The following PPM1L variants were observed in gnomAD, a reference collection of about 807,000 sequenced individuals.
The protein encoded by PPM1L is protein phosphatase, Mg2+/Mn2+ dependent 1L, also known as protein phosphatase 1L.
In PPM1L, 13 loss-of-function variants were observed where a neutral mutation model predicts 31.4. The ratio of observed to expected loss-of-function variants is 0.41; its 90% confidence interval spans 0.27 to 0.66. The LOEUF (loss-of-function observed/expected upper bound fraction) is 0.66. Among genes scored for constraint, PPM1L ranks in the 30% least tolerant of loss-of-function variants. The pLI is 0.29. For synonymous variants in PPM1L, 184 were observed against 175.4 expected (o/e 1.05, Z -0.39); for missense variants, 326 against 453.7 (o/e 0.72, Z 2.56).
intron 1 of PPM1L, among the ~76,000 whole-genome samples, chr3:160,902,668 C>A (rs1713585737): frequency 6.6e-6 from 1 of 152,138 alleles, no homozygotes; most frequent in Admixed American, 6.6e-5. Flanking sequence ...GACTGAATTT[C>A]TGGACCCACT....
intron 2 of PPM1L, among the ~76,000 whole-genome samples, chr3:160,980,364 A>G (rs571998712): frequency 6.6e-6 from 1 of 152,118 alleles, no homozygotes; most frequent in South Asian, 2.1e-4. Flanking sequence ...ATTATACTTA[A>G]TGGGGCTTTT....
rs1342334896 is a variant in PPM1L, at chr3:161,071,729, C to T, written c.*2572C>T. The stretch of plus-strand genomic sequence containing the variant: ...TTCCCTTCCTTCTGGAGCTCTCTCT[C>T]CCTAGCCCTTTTCCAGCTGTTGGGG... On this transcript the variant is annotated 3_prime_UTR_variant, in exon 4 of 4. Transcript: ENST00000498165. The T allele has an allele frequency of 6.6e-6, 1 of 152,252 alleles. No individual in the cohort carries two copies. The highest frequency in any genetic ancestry group is 1.5e-5 in the Non-Finnish European group (1 of 68,074). The allele number at this position is 152,252 out of a possible 1,614,324, so 9.4% of individuals were successfully genotyped here. A position where few individuals can be genotyped will look rare whatever the true frequency, so the allele number is the denominator to read the frequency against.
intron 1 of PPM1L, among the ~76,000 whole-genome samples, chr3:160,828,234 A>C (rs796390619): frequency 6.6e-6 from 1 of 152,146 alleles, no homozygotes; most frequent in African/African-American, 2.4e-5. Flanking sequence ...AATAGCAGGT[A>C]TTAAGCTACT....
chr3:160,855,022 A>G (rs1711640691), intron 1 of PPM1L, among the ~76,000 whole-genome samples: 1 of 152,142 alleles, frequency 6.6e-6, no homozygotes, highest in South Asian at 2.1e-4. Flanking sequence ...GTTTAAAAAC[A>G]GACACATAGA....
At chr3:160,825,091 A>G (rs1420350686) in intron 1 of PPM1L, among the ~76,000 whole-genome samples, 1 of 152,162 alleles carries the variant, frequency 6.6e-6, no homozygotes, top group Non-Finnish European at 1.5e-5. Context: ...AGCCACGTGT[A>G]ACATCCTTAT....
chr3:160,978,778 C>T lies in PPM1L; in HGVS notation c.574+16868C>T, dbSNP rs879549861. On this transcript the variant is annotated intron_variant, in intron 2 of 3. Transcript: ENST00000498165. The stretch of plus-strand genomic sequence containing the variant: ...CCAGGAAGTTGAGGTTGCAGTGAGC[C>T]GTGTTCATGCTACTGTACTCCAGCC... Among the ~76,000 whole-genome samples the T allele has an allele frequency of 4.6e-3, 691 of 151,296 alleles. 4 individuals are homozygous for T. Among genetic ancestry groups the T allele is most frequent in the Non-Finnish European group, 6.5e-3 (440 of 67,602 alleles).
chr3:160,969,266 A>C (rs1479471638), intron 2 of PPM1L, among the ~76,000 whole-genome samples: 1 of 152,210 alleles, frequency 6.6e-6, no homozygotes, highest in Admixed American at 6.5e-5. Flanking sequence ...TAGCTTTTTA[A>C]AAGCGTGGAG....
At chr3:161,038,025 A>G (rs574939464) in intron 2 of PPM1L, among the ~76,000 whole-genome samples, 2 of 151,774 alleles carry the variant, frequency 1.3e-5, no homozygotes, top group South Asian at 4.2e-4. Context: ...CGAGGTCAGG[A>G]GATCGAGACC....
chr3:160,949,617 A>G (rs1047560026), intron 1 of PPM1L, among the ~76,000 whole-genome samples: 5 of 152,170 alleles, frequency 3.3e-5, no homozygotes, highest in African/African-American at 1.2e-4. Context: ...GCCTGGTTTT[A>G]AAGCACCCAT....
At chr3:161,029,960 G>A (rs78731141) in intron 2 of PPM1L, among the ~76,000 whole-genome samples, 1,784 of 152,260 alleles carry the variant, frequency 0.012, 44 homozygotes, top group African/African-American at 0.041. Context: ...CAGCAACCAT[G>A]AAGAAAAGAC....
At chr3:160,941,511 A>C (rs963726158) in intron 1 of PPM1L, among the ~76,000 whole-genome samples, 1 of 152,156 alleles carries the variant, frequency 6.6e-6, no homozygotes, top group Non-Finnish European at 1.5e-5. Context: ...ATAGTGAATA[A>C]GTCTCACGAG....
intron 1 of PPM1L, among the ~76,000 whole-genome samples, chr3:160,799,271 A>G (rs1712352570): frequency 6.6e-6 from 1 of 152,222 alleles, no homozygotes; most frequent in Admixed American, 6.5e-5. Flanking sequence ...AAATGCTATC[A>G]AACAGCATCA....
Position 160,779,120 on chromosome 3 carries a change from T to C in PPM1L, c.399+22413T>C, listed in dbSNP as rs116248597. The stretch of plus-strand genomic sequence containing the variant: ...ACTTTCTGCTGTAAAAAAAAAACTG[T>C]GTAAACGCTGAAAAAAGCAAATGTC... On this transcript the variant is annotated intron_variant, in intron 1 of 3. Transcript: ENST00000498165. 9.2e-3 allele frequency among the ~76,000 whole-genome samples: 1,374 copies of C among 149,892 alleles called. 17 individuals carry two copies. The highest frequency in any genetic ancestry group is 0.031 in the African/African-American group (1,264 of 40,680).
At chr3:160,869,824 T>C (rs543603556) in intron 1 of PPM1L, among the ~76,000 whole-genome samples, 2 of 152,156 alleles carry the variant, frequency 1.3e-5, no homozygotes, top group Non-Finnish European at 2.9e-5. Flanking sequence ...GGTATGGGAA[T>C]GTTCTCTCCA....
chr3:160,951,720 AT>A (rs1576737892), intron 1 of PPM1L, among the ~76,000 whole-genome samples: 1 of 152,312 alleles, frequency 6.6e-6, no homozygotes, highest in East Asian at 1.9e-4. Context: ...CACATTAGGA[AT>A]TCCAAAGGAA....
chr3:160,943,015 T>C (rs1715212020), intron 1 of PPM1L, among the ~76,000 whole-genome samples: 1 of 152,074 alleles, frequency 6.6e-6, no homozygotes, highest in African/African-American at 2.4e-5. Context: ...AAAAAGGAAC[T>C]GAGGAGTAAA....
At chr3:161,012,336 G>A (rs945004357) in intron 2 of PPM1L, among the ~76,000 whole-genome samples, 16 of 152,246 alleles carry the variant, frequency 1.1e-4, no homozygotes, top group Admixed American at 6.5e-4. Context: ...ATTTGCGTAT[G>A]TTGAACCAGC....
At chr3:160,955,509 T>C (rs1026566318) in intron 1 of PPM1L, among the ~76,000 whole-genome samples, 4 of 152,190 alleles carry the variant, frequency 2.6e-5, no homozygotes, top group Non-Finnish European at 5.9e-5. Flanking sequence ...AAAATGTGTT[T>C]TTCTAGTATT....
chr3:161,059,055 T>G (rs1036636519), intron 2 of PPM1L, among the ~76,000 whole-genome samples: 5 of 152,170 alleles, frequency 3.3e-5, no homozygotes, highest in African/African-American at 1.2e-4. Context: ...GATACATAAT[T>G]TGCATTTGTG....
Sources: allele counts gnomAD v4.1 joint callset (sites outside exome capture counted in the v4.1 genomes callset), GRCh38; gene constraint gnomAD v4.1.1; transcripts MANE v1.5; gene names NCBI Gene and HGNC (gene_info 2026-07-23, HGNC 2026-07-21).